The following POT1 variants were observed in gnomAD, a reference collection of about 807,000 sequenced individuals.
POT1 encodes the protein protection of telomeres protein 1.
In POT1, 47 loss-of-function variants were observed where a neutral mutation model predicts 78.5. The ratio of observed to expected loss-of-function variants is 0.60; its 90% confidence interval spans 0.47 to 0.76. The LOEUF (loss-of-function observed/expected upper bound fraction) is 0.76. POT1 is among the 30% of genes least tolerant of loss of function. POT1 has a pLI of 0.00. For synonymous variants in POT1, 259 were observed against 260.7 expected (o/e 0.99, Z 0.06); for missense variants, 646 against 749.9 (o/e 0.86, Z 1.62).
At chr7:124,881,377 T>A (rs531342719) in intron 6 of POT1, among the ~76,000 whole-genome samples, 1 of 151,986 alleles carries the variant, frequency 6.6e-6, no homozygotes, top group Non-Finnish European at 1.5e-5. Context: ...GGCACATGAC[T>A]GTACTTTATT....
At chr7:124,899,483 T>G (rs10252039) in intron 3 of POT1, among the ~76,000 whole-genome samples, 1 of 151,342 alleles carries the variant, frequency 6.6e-6, no homozygotes, top group South Asian at 2.1e-4. Context: ...GATTTTATAT[T>G]TCTCCGAAAC....
At chr7:124,905,733 C>T (rs1167036330) in intron 3 of POT1, among the ~76,000 whole-genome samples, 2 of 152,126 alleles carry the variant, frequency 1.3e-5, no homozygotes, top group African/African-American at 4.8e-5. Context: ...TTGCAATCTA[C>T]TCATCTGACA....
chr7:124,861,119 C>T (rs903681567), intron 8 of POT1, among the ~76,000 whole-genome samples: 3 of 152,142 alleles, frequency 2.0e-5, no homozygotes, highest in Admixed American at 1.3e-4. Context: ...TGGGTATATA[C>T]CCAGTAATGG....
At chr7:124,919,965 A>G (rs1797109010) in intron 2 of POT1, among the ~76,000 whole-genome samples, 1 of 137,486 alleles carries the variant, frequency 7.3e-6, no homozygotes, top group African/African-American at 2.7e-5. Flanking sequence ...TGCTGTGCCA[A>G]TAAGTAATAT....
intron 9 of POT1, among the ~76,000 whole-genome samples, chr7:124,858,144 C>G (rs1311197430): frequency 1.3e-5 from 2 of 152,142 alleles, no homozygotes; most frequent in Non-Finnish European, 2.9e-5. Context: ...GGGAAATACC[C>G]TGCTTCAATC....
At position 124,892,290 on chromosome 7, in the gene POT1, G is replaced by A. The variant is rs1221080304; in HGVS notation, c.100C>T (p.Pro34Ser). The A allele has an allele frequency of 6.5e-7, 1 of 1,544,280 alleles. No homozygotes were observed. Among genetic ancestry groups the A allele is most frequent in the Non-Finnish European group, 8.7e-7 (1 of 1,150,994 alleles). ...CCAGTTCCTTTGCTTAGATATGGGG[G>A]CTTAAAGAACTTCACAACACCATAG... ...NVYGVVKFFKPPYLSKGTDYC... is the reference protein window; with the variant it reads ...NVYGVVKFFKSPYLSKGTDYC... Residue 34 changes from proline to serine, a missense_variant, in exon 6 of 19, where the codon CCC becomes TCC. Physicochemically the swap from Pro to Ser is moderately conservative, Grantham distance 74. This residue lies in a region of POT1 where 252 missense variants were observed against 341.4 expected (regional missense o/e 0.74). Coordinates refer to ENST00000357628, the MANE Select transcript of POT1 (RefSeq NM_015450.3).
chr7:124,824,445 A>T (rs2116404887), intron 18 of POT1, among the ~76,000 whole-genome samples: 1 of 152,202 alleles, frequency 6.6e-6, no homozygotes, highest in Admixed American at 6.5e-5. Context: ...AAGAATCCAA[A>T]CAGTTAACAC....
intron 3 of POT1, among the ~76,000 whole-genome samples, chr7:124,904,659 G>C (rs1796714159): frequency 6.6e-6 from 1 of 152,116 alleles, no homozygotes; most frequent in African/African-American, 2.4e-5. Context: ...AATCAGGCAG[G>C]AGAAAGAAAT....
At chr7:124,872,287 T>G (rs1795889333) in intron 6 of POT1, among the ~76,000 whole-genome samples, 1 of 152,120 alleles carries the variant, frequency 6.6e-6, no homozygotes, top group South Asian at 2.1e-4. Flanking sequence ...AACATGGGAG[T>G]GCAGATATCT....
At chr7:124,829,110 T>A in intron 16 of POT1, 144 bp downstream of exon 16, 1 of 773,392 alleles carries the variant, frequency 1.3e-6, no homozygotes, top group South Asian at 1.4e-5. Flanking sequence ...ATCTTTAAAT[T>A]TACAAAGTCT....
chr7:124,922,807 T>G (rs1378349400), intron 2 of POT1, among the ~76,000 whole-genome samples: 1 of 151,946 alleles, frequency 6.6e-6, no homozygotes, highest in Non-Finnish European at 1.5e-5. Context: ...AAATTGACTA[T>G]GCTGATTAAA....
chr7:124,841,855 T>G (rs1358312745), intron 13 of POT1, among the ~76,000 whole-genome samples: 1 of 152,012 alleles, frequency 6.6e-6, no homozygotes, highest in Non-Finnish European at 1.5e-5. Flanking sequence ...AAACCAAAGT[T>G]TGATAATATT....
chr7:124,829,172 T>G, intron 16 of POT1, 82 bp downstream of exon 16: 1 of 944,938 alleles, frequency 1.1e-6, no homozygotes, highest in Middle Eastern at 2.1e-4. Context: ...CAGGTATACT[T>G]TCAGGTATAC....
At chr7:124,880,478 G>C (rs1334171495) in intron 6 of POT1, among the ~76,000 whole-genome samples, 1 of 152,024 alleles carries the variant, frequency 6.6e-6, no homozygotes, top group Non-Finnish European at 1.5e-5. Context: ...TGTTAGCCAA[G>C]ATGAACTGAC....
At chr7:124,919,284 C>T (rs920746456) in intron 2 of POT1, among the ~76,000 whole-genome samples, 2 of 152,086 alleles carry the variant, frequency 1.3e-5, no homozygotes, top group Non-Finnish European at 2.9e-5. Context: ...ATATGCAGTG[C>T]AGTGTTGACT....
chr7:124,908,423 C>CCCA (rs1284502269), intron 3 of POT1, among the ~76,000 whole-genome samples: 1 of 151,972 alleles, frequency 6.6e-6, no homozygotes, highest in African/African-American at 2.4e-5. Context: ...TTGACCCCTA[C>CCCA]CCACCTCATC....
chr7:124,859,654 C>T (rs1266428179), intron 8 of POT1, among the ~76,000 whole-genome samples: 4 of 151,144 alleles, frequency 2.6e-5, no homozygotes, highest in Non-Finnish European at 5.9e-5. Flanking sequence ...CTTCTCCAAA[C>T]CGTATTACAG....
intron 3 of POT1, among the ~76,000 whole-genome samples, chr7:124,899,493 C>G (rs560605630): frequency 6.7e-4 from 102 of 151,890 alleles, no homozygotes; most frequent in Non-Finnish European, 1.4e-3. Flanking sequence ...TTCTCCGAAA[C>G]CTTTTATGCA....
chr7:124,839,700 T>C (rs951984136), intron 14 of POT1, among the ~76,000 whole-genome samples: 1 of 152,198 alleles, frequency 6.6e-6, no homozygotes, highest in Non-Finnish European at 1.5e-5. Context: ...ATAAGCCTTT[T>C]TTAAAAAGCA....
Sources: gnomAD v4.1 joint callset for allele counts (sites outside exome capture counted in the v4.1 genomes callset) on GRCh38, gnomAD v4.1.1 for gene constraint, gnomAD v4.1.1 regional missense constraint, MANE v1.5 for transcripts, NCBI Gene and HGNC (gene_info 2026-07-23, HGNC 2026-07-21) for gene names.